DMD: variants seen among roughly 807,000 people sequenced by gnomAD.
The protein encoded by DMD is mutant dystrophin.
Under a neutral mutation model 330.1 loss-of-function variants are expected in DMD, and 63 were observed. That is an observed-to-expected ratio of 0.19 (90% CI 0.16 to 0.24). The LOEUF (loss-of-function observed/expected upper bound fraction) is 0.24. Ranked by LOEUF, DMD falls within the 10% of genes least tolerant of loss-of-function variation. DMD has a pLI of 1.00. For missense variants in DMD, 3,344 were observed against 2,684.1 expected (o/e 1.25, Z -5.43); for synonymous variants, 1,223 against 959.8 (o/e 1.27, Z -5.07).
At chrX:31,341,685 T>C (rs982076807) in intron 61 of DMD, among the ~76,000 whole-genome samples, 2 of 111,274 alleles carry the variant, frequency 1.8e-5, no homozygotes, top group African/African-American at 6.5e-5. Context: ...GTGGCTTGGA[T>C]GTCCAGAAAC....
At chrX:31,683,168 A>G in intron 52 of DMD, among the ~76,000 whole-genome samples, 1 of 112,001 alleles carries the variant, frequency 8.9e-6, no homozygotes, top group East Asian at 2.8e-4. Context: ...TTAATTAAAA[A>G]TATTTATAGG....
At chrX:32,893,409 A>G (rs1045090337) in intron 2 of DMD, among the ~76,000 whole-genome samples, 1 of 111,895 alleles carries the variant, frequency 8.9e-6, no homozygotes, top group Non-Finnish European at 1.9e-5. Flanking sequence ...TCCTTAAAAA[A>G]TGAGAATACC....
chrX:32,367,650 C>T (rs1343344388), intron 34 of DMD, among the ~76,000 whole-genome samples: 11 of 111,989 alleles, frequency 9.8e-5, no homozygotes, highest in African/African-American at 2.9e-4. Flanking sequence ...TCCTGGGTCA[C>T]AGAAACCATT....
At chrX:32,787,479 A>AT (rs1457933683) in intron 7 of DMD, among the ~76,000 whole-genome samples, 1 of 110,190 alleles carries the variant, frequency 9.1e-6, no homozygotes, top group Middle Eastern at 4.3e-3. Flanking sequence ...ATGACAGTAG[A>AT]TCCCCCTTTT....
intron 37 of DMD, among the ~76,000 whole-genome samples, chrX:32,355,519 T>A (rs181701022): frequency 6.3e-5 from 7 of 111,899 alleles, no homozygotes; most frequent in African/African-American, 2.3e-4. Flanking sequence ...AAGACCCAGA[T>A]AGTTTTATCA....
At chrX:31,843,265 G>A (rs1428271936) in intron 48 of DMD, among the ~76,000 whole-genome samples, 1 of 111,730 alleles carries the variant, frequency 9.0e-6, no homozygotes, top group Non-Finnish European at 1.9e-5. Context: ...TTGAATGACA[G>A]TGCATTTTAA....
At chrX:31,515,853 C>G (rs2068136115) in intron 55 of DMD, among the ~76,000 whole-genome samples, 1 of 112,472 alleles carries the variant, frequency 8.9e-6, no homozygotes, top group African/African-American at 3.2e-5. Flanking sequence ...TCAGTAAAAT[C>G]TGTTTAAGAA....
At chrX:32,726,857 A>T (rs1179772962) in intron 7 of DMD, among the ~76,000 whole-genome samples, 1 of 110,733 alleles carries the variant, frequency 9.0e-6, no homozygotes, top group Non-Finnish European at 1.9e-5. Context: ...ATATTATTTG[A>T]GAATCAAGGC....
chrX:32,307,257 C>T (rs923754788), intron 42 of DMD, among the ~76,000 whole-genome samples: 4 of 111,135 alleles, frequency 3.6e-5, no homozygotes, highest in Non-Finnish European at 7.6e-5. Context: ...TTACTGTGTG[C>T]GATGGGGTCT....
At chrX:32,939,338 C>T (rs776543795) in intron 2 of DMD, among the ~76,000 whole-genome samples, 2 of 108,911 alleles carry the variant, frequency 1.8e-5, no homozygotes, top group East Asian at 5.7e-4. Flanking sequence ...ACACTAATGA[C>T]CAAAAAACCA....
At chrX:31,228,105 G>T (rs1285946217) in intron 63 of DMD, among the ~76,000 whole-genome samples, 8 of 102,946 alleles carry the variant, frequency 7.8e-5, no homozygotes, top group Non-Finnish European at 1.4e-4. Context: ...TGGGGACTGT[G>T]GTGGGGTGGG....
intron 9 of DMD, among the ~76,000 whole-genome samples, chrX:32,649,223 ATTGTCACCTATG>A (rs1224971032): frequency 9.1e-6 from 1 of 109,833 alleles, no homozygotes; most frequent in African/African-American, 3.3e-5. Flanking sequence ...AGTATTAGAT[ATTGTCACCTATG>A]TTCCTTGAAG....
chrX:32,336,752 T>C (rs1569558599), intron 41 of DMD, among the ~76,000 whole-genome samples: 1 of 112,476 alleles, frequency 8.9e-6, no homozygotes. Flanking sequence ...AAATAAGTTA[T>C]AGCACCTATG....
chrX:32,927,363 C>CTTTTTTTTTTTTTTTTTTTTTTT (rs536073565), intron 2 of DMD, among the ~76,000 whole-genome samples: 1 of 57,036 alleles, frequency 1.8e-5, no homozygotes, highest in Non-Finnish European at 3.1e-5. Flanking sequence ...TTCTTTCTTT[C>CTTTTTTTTTTTTTTTTTTTTTTT]TTTTTTTTTT....
intron 2 of DMD, among the ~76,000 whole-genome samples, chrX:33,008,249 A>C (rs898602896): frequency 1.8e-5 from 2 of 111,748 alleles, no homozygotes; most frequent in Admixed American, 1.9e-4. Context: ...TCTGCCTTTT[A>C]TGTTCCAAGA....
chrX:31,164,495 G>C lies in DMD; in HGVS notation c.10553+4948C>G, dbSNP rs1335706523. Among the ~76,000 whole-genome samples, 3 of 111,334 alleles carry C rather than the reference G, an allele frequency of 2.7e-5. No homozygotes were observed. The Admixed American group carries it at 2.9e-4, about 11-fold the overall frequency. ...CAAATAACTACTATCATCTTGTTTT[G>C]TAGTTACCAGCCCTGGGAATCATTC... On this transcript the variant is annotated intron_variant, in intron 74 of 78. Transcript: ENST00000357033.
chrX:32,155,757 G>C (rs1187604421), intron 44 of DMD, among the ~76,000 whole-genome samples: 3 of 111,622 alleles, frequency 2.7e-5, no homozygotes, highest in Non-Finnish European at 3.8e-5. Context: ...CTCCATGAGG[G>C]CCTCAATGGT....
chrX:32,691,495 G>T lies in DMD; in HGVS notation c.960+6375C>A, dbSNP rs145359931. Among the ~76,000 whole-genome samples, 683 of 111,502 alleles carry T rather than the reference G, an allele frequency of 6.1e-3. 3 individuals carry two copies. The highest frequency in any genetic ancestry group is 0.021 in the African/African-American group (650 of 30,722). On this transcript the variant is annotated intron_variant, in intron 9 of 78. Coordinates refer to ENST00000357033, the MANE Select transcript of DMD (RefSeq NM_004006.3). Reference sequence around the variant, plus strand: ...GCTATCACATTTATACCTGTTGGATGCCTACTATTAAAAAATGGATTAGTA... The same window carrying T: ...GCTATCACATTTATACCTGTTGGATTCCTACTATTAAAAAATGGATTAGTA...
intron 1 of DMD, among the ~76,000 whole-genome samples, chrX:33,238,064 C>T (rs1002200440): frequency 4.4e-5 from 5 of 112,453 alleles, no homozygotes; most frequent in East Asian, 5.6e-4. Flanking sequence ...AACTTTCAGC[C>T]GGAATACATT....
Sources: gnomAD v4.1 joint callset for allele counts (sites outside exome capture counted in the v4.1 genomes callset) on GRCh38, gnomAD v4.1.1 for gene constraint, MANE v1.5 for transcripts, NCBI Gene and HGNC (gene_info 2026-07-23, HGNC 2026-07-21) for gene names.